MTCL2: variants seen among roughly 807,000 people sequenced by gnomAD.
MTCL2 encodes the protein microtubule crosslinking factor 2.
At chr20:36,815,202 GAGA>G in the MTCL2 span, 2 of 1,613,954 alleles carry the variant, frequency 1.2e-6, no homozygotes, top group East Asian at 2.2e-5. The surrounding 1 kb of genome is among the most constrained non-coding windows in gnomAD (Gnocchi z 5.3). Context: ...GGGCAGTGAT[GAGA>G]AGGACTCCTG....
the MTCL2 span, chr20:36,815,693 G>A: frequency 6.2e-7 from 1 of 1,604,514 alleles, no homozygotes; most frequent in Non-Finnish European, 8.5e-7. The surrounding 1 kb of genome is among the most constrained non-coding windows in gnomAD (Gnocchi z 5.3). Flanking sequence ...CCTTGCCGCT[G>A]AGCTCGCCGA....
chr20:36,853,963 C>T, the MTCL2 span, among the ~76,000 whole-genome samples: 10 of 152,196 alleles, frequency 6.6e-5, no homozygotes, highest in African/African-American at 2.2e-4. Flanking sequence ...GTGTTTAAAA[C>T]ATCCCCCAAA....
At chr20:36,836,170 C>T in the MTCL2 span, among the ~76,000 whole-genome samples, 1 of 140,496 alleles carries the variant, frequency 7.1e-6, no homozygotes, top group Non-Finnish European at 1.5e-5. Flanking sequence ...TGGAAACTAA[C>T]TCATTCTTTT....
At chr20:36,810,140 G>A in the MTCL2 span, 2 of 1,558,568 alleles carry the variant, frequency 1.3e-6, no homozygotes, top group Non-Finnish European at 1.7e-6. Context: ...AGATAATGAG[G>A]AGGGAGAGAG....
At chr20:36,843,800 C>G in the MTCL2 span, among the ~76,000 whole-genome samples, 13 of 152,208 alleles carry the variant, frequency 8.5e-5, no homozygotes, top group Non-Finnish European at 1.3e-4. Context: ...TGCACACAAC[C>G]CTATGATGCT....
the MTCL2 span, chr20:36,797,064 G>A: frequency 2.2e-6 from 2 of 921,504 alleles, no homozygotes; most frequent in Admixed American, 1.9e-5. Context: ...CCGGAGAGCA[G>A]GAATGATGTC....
the MTCL2 span, among the ~76,000 whole-genome samples, chr20:36,791,408 T>C: frequency 6.6e-6 from 1 of 152,186 alleles, no homozygotes; most frequent in East Asian, 1.9e-4. Context: ...TGTAAAAAAA[T>C]GATTTTGCAC....
chr20:36,857,135 A>AGT, the MTCL2 span, among the ~76,000 whole-genome samples: 6 of 151,946 alleles, frequency 3.9e-5, no homozygotes, highest in African/African-American at 1.5e-4. Context: ...TGTGGATGCT[A>AGT]GTGTGTGTGT....
chr20:36,849,078 T>TTTTTTTTTTG, the MTCL2 span, among the ~76,000 whole-genome samples: 1 of 143,280 alleles, frequency 7.0e-6, no homozygotes, highest in South Asian at 2.3e-4. Context: ...TTTTTTTTTT[T>TTTTTTTTTTG]GTGACGGAGT....
the MTCL2 span, chr20:36,797,650 C>T: frequency 4.5e-6 from 6 of 1,346,566 alleles, no homozygotes; most frequent in Non-Finnish European, 6.2e-6. Flanking sequence ...AAGGCCATTC[C>T]CCAGACTCCA....
the MTCL2 span, chr20:36,808,794 A>G: frequency 1.3e-6 from 2 of 1,485,934 alleles, no homozygotes; most frequent in African/African-American, 2.8e-5. Context: ...CCTCTCCCCC[A>G]CCCCTTTCTG....
chr20:36,808,939 T>C, the MTCL2 span, among the ~76,000 whole-genome samples: 1 of 152,156 alleles, frequency 6.6e-6, no homozygotes, highest in African/African-American at 2.4e-5. Context: ...TGACACATCA[T>C]TGAAGGAGCT....
At chr20:36,808,564 C>T in the MTCL2 span, 1 of 1,610,608 alleles carries the variant, frequency 6.2e-7, no homozygotes, top group East Asian at 2.2e-5. Flanking sequence ...GCCGCCAGCG[C>T]TTGAGGAACC....
the MTCL2 span, among the ~76,000 whole-genome samples, chr20:36,824,531 T>C: frequency 6.6e-6 from 1 of 152,182 alleles, no homozygotes. Flanking sequence ...TGACTGTTCA[T>C]AGGCATGAGG....
At chr20:36,858,311 AACACACAC>A in the MTCL2 span, among the ~76,000 whole-genome samples, 191 of 31,762 alleles carry the variant, frequency 6.0e-3, 3 homozygotes, top group East Asian at 0.022. Context: ...AAGGAGGGAA[AACACACAC>A]ACACACACAC....
chr20:36,836,075 A>AC, the MTCL2 span, among the ~76,000 whole-genome samples: 1 of 11,676 alleles, frequency 8.6e-5, no homozygotes. Flanking sequence ...GCCTTCCCCC[A>AC]CCACCCCCCA....
the MTCL2 span, among the ~76,000 whole-genome samples, chr20:36,824,453 A>G: frequency 2.1e-3 from 323 of 152,060 alleles, no homozygotes; most frequent in Non-Finnish European, 3.8e-3. Context: ...CATCCAGAAC[A>G]GGCAAATCCA....
chr20:36,818,643 A>G, the MTCL2 span, among the ~76,000 whole-genome samples: 2 of 152,226 alleles, frequency 1.3e-5, no homozygotes. Context: ...CAAAAAAATA[A>G]GATGTTTAAA....
chr20:36,862,974 G>A, the MTCL2 span: 2 of 1,407,896 alleles, frequency 1.4e-6, no homozygotes, highest in Non-Finnish European at 1.9e-6. Flanking sequence ...CGCGCAGTCC[G>A]ACACCTCCGA....
Sources: allele counts gnomAD v4.1 joint callset (sites outside exome capture counted in the v4.1 genomes callset), GRCh38; gene constraint gnomAD v4.1.1; non-coding constraint Gnocchi (gnomAD v3.1); transcripts MANE v1.5; gene names NCBI Gene and HGNC (gene_info 2026-07-23, HGNC 2026-07-21).